Variants in OSBPL10 observed in about 807,000 individuals in gnomAD.
OSBPL10 encodes the protein oxysterol binding protein like 10.
Under a neutral mutation model 81.7 loss-of-function variants are expected in OSBPL10, and 49 were observed. The ratio of observed to expected loss-of-function variants is 0.60; its 90% CI spans 0.48 to 0.76. The LOEUF (loss-of-function observed/expected upper bound fraction) is 0.76, where lower values mean the gene tolerates loss of function less well. OSBPL10 is among the 30% of genes least tolerant of loss of function. The pLI, the probability that OSBPL10 is intolerant of heterozygous loss-of-function variation, is 0.00. For missense variants in OSBPL10, 923 were observed against 987.8 expected, an observed-to-expected ratio of 0.93 and a Z score of 0.88; for synonymous variants, 419 against 383.6, an observed-to-expected ratio of 1.09 and a Z score of -1.08.
intron 4 of OSBPL10, among the ~76,000 whole-genome samples, chr3:31,819,281 C>G (rs913807025): frequency 6.6e-6 from 1 of 152,224 alleles, no homozygotes; most frequent in African/African-American, 2.4e-5. Context: ...TCTCTGAGAC[C>G]TCAGTTTGAC....
At chr3:31,713,209 C>T (rs897320600) in intron 6 of OSBPL10, among the ~76,000 whole-genome samples, 7 of 152,100 alleles carry the variant, frequency 4.6e-5, no homozygotes, top group South Asian at 4.1e-4. Context: ...GTTGCCCCCA[C>T]GACTTCTCTA....
intron 4 of OSBPL10, among the ~76,000 whole-genome samples, chr3:31,827,661 T>C (rs1255481487): frequency 2.0e-5 from 3 of 152,036 alleles, no homozygotes; most frequent in African/African-American, 7.2e-5. Flanking sequence ...TTTTTTTAGA[T>C]TGCTCTGTAT....
chr3:31,924,497 C>T (rs1697014500), intron 1 of OSBPL10, among the ~76,000 whole-genome samples: 1 of 152,122 alleles, frequency 6.6e-6, no homozygotes, highest in East Asian at 1.9e-4. Context: ...CAGGTAAAAT[C>T]CTGGATAACA....
chr3:31,965,881 TAGATAAC>T (rs1698380262), intron 1 of OSBPL10, among the ~76,000 whole-genome samples: 2 of 98,690 alleles, frequency 2.0e-5, no homozygotes, highest in South Asian at 5.3e-4. Context: ...TTATATAAAA[TAGATAAC>T]ATATATTATA....
At chr3:31,712,168 A>T (rs990693592) in intron 6 of OSBPL10, among the ~76,000 whole-genome samples, 29 of 152,226 alleles carry the variant, frequency 1.9e-4, no homozygotes, top group Non-Finnish European at 7.3e-5. Context: ...TGGAGAGCCC[A>T]TCTGGTCCAA....
intron 6 of OSBPL10, chr3:31,713,796 C>T (rs906754381): frequency 2.0e-5 from 3 of 152,684 alleles, no homozygotes; most frequent in Non-Finnish European, 2.9e-5. Context: ...TTGCTCCTTC[C>T]TCAGCTCTGC....
At chr3:31,783,111 T>TTATATATATATATATATATATATATA (rs56846176) in intron 4 of OSBPL10, among the ~76,000 whole-genome samples, 2 of 121,690 alleles carry the variant, frequency 1.6e-5, no homozygotes, top group African/African-American at 3.7e-5. Flanking sequence ...AATATATCTA[T>TTATATATATATATATATATATATATA]TATATATATA....
intron 7 of OSBPL10, among the ~76,000 whole-genome samples, chr3:31,694,239 T>C (rs980594093): frequency 1.3e-5 from 2 of 151,848 alleles, no homozygotes; most frequent in Non-Finnish European, 1.5e-5. Flanking sequence ...GGCGTGATGG[T>C]GAGCACCTGT....
At position 31,889,285 on chromosome 3, in the gene OSBPL10, C is replaced by T. The variant is rs1183345103; in HGVS notation, c.282-9455G>A. On this transcript the variant is annotated intron_variant, in intron 1 of 11. Coordinates refer to ENST00000396556, the MANE Select transcript of OSBPL10 (RefSeq NM_017784.5). The stretch of plus-strand genomic sequence containing the variant: ...CAGGTACAGCTACCATATGATCCAG[C>T]AATCCACTACTGGGATTTATGCAAA... 5.9e-5 allele frequency among the ~76,000 whole-genome samples: 9 copies of T among 152,166 alleles called. No individual in the cohort carries two copies. In the South Asian group the frequency reaches 6.2e-4, roughly 11 times the overall value.
intron 2 of OSBPL10, among the ~76,000 whole-genome samples, chr3:31,997,300 C>G (rs910066259): frequency 4.0e-5 from 6 of 151,450 alleles, no homozygotes; most frequent in Admixed American, 2.6e-4. Context: ...CGCCCTCACT[C>G]TGTCGCCAGG....
intron 8 of OSBPL10, among the ~76,000 whole-genome samples, chr3:31,676,773 G>T (rs1700487801): frequency 6.6e-6 from 1 of 152,358 alleles, no homozygotes; most frequent in East Asian, 1.9e-4. Context: ...GAGGGAAGTG[G>T]GCTGCAAAGA....
chr3:31,742,995 C>A lies in OSBPL10; in HGVS notation c.940+4915G>T, dbSNP rs571110006. Among the ~76,000 whole-genome samples, 3 of 148,754 alleles carry A rather than the reference C, an allele frequency of 2.0e-5. No individual in the cohort carries two copies. The Admixed American group carries it at 2.0e-4, about 10-fold the overall frequency. ...GGAGCCACCAGTAATGGTAAAAGAGCTGCATAATTTAAGTCTTGACCGAAA... is the reference window on the plus strand; with the variant it reads ...GGAGCCACCAGTAATGGTAAAAGAGATGCATAATTTAAGTCTTGACCGAAA... On this transcript the variant is annotated intron_variant, in intron 5 of 11. Transcript: ENST00000396556.
intron 4 of OSBPL10, among the ~76,000 whole-genome samples, chr3:31,779,485 T>A (rs189893727): frequency 1.1e-4 from 16 of 152,316 alleles, no homozygotes; most frequent in South Asian, 2.1e-4. Context: ...TACATAATGA[T>A]AAAATGATCA....
chr3:31,679,468 T>C (rs1417642248), intron 8 of OSBPL10, among the ~76,000 whole-genome samples: 3 of 152,128 alleles, frequency 2.0e-5, no homozygotes, highest in African/African-American at 7.2e-5. Context: ...AATGGATGAA[T>C]GGATAAGTGA....
intron 4 of OSBPL10, among the ~76,000 whole-genome samples, chr3:31,806,476 G>A (rs553481003): frequency 3.3e-5 from 5 of 152,320 alleles, no homozygotes; most frequent in African/African-American, 1.2e-4. Context: ...TTAGCTGAGA[G>A]CCAAACAGTA....
At chr3:31,809,598 G>C (rs1412348832) in intron 4 of OSBPL10, among the ~76,000 whole-genome samples, 1 of 152,172 alleles carries the variant, frequency 6.6e-6, no homozygotes, top group African/African-American at 2.4e-5. Context: ...AGTTCTTGTG[G>C]AATAGTTGAA....
intron 1 of OSBPL10, among the ~76,000 whole-genome samples, chr3:31,887,579 G>T (rs553415792): frequency 6.6e-6 from 1 of 152,260 alleles, no homozygotes; most frequent in Admixed American, 6.5e-5. Flanking sequence ...AACCTAGAGG[G>T]TAGAAAGAAA....
chr3:32,060,010 A>G (rs1488227471), intron 1 of OSBPL10, among the ~76,000 whole-genome samples: 1 of 152,102 alleles, frequency 6.6e-6, no homozygotes, highest in Non-Finnish European at 1.5e-5. Context: ...TTTTGGGAGC[A>G]CTGGTAATGT....
chr3:31,837,477 C>T (rs1298217475), intron 3 of OSBPL10, among the ~76,000 whole-genome samples: 1 of 150,028 alleles, frequency 6.7e-6, no homozygotes, highest in Non-Finnish European at 1.5e-5. Context: ...AATTAGGTTA[C>T]AAAGCAAAAA....
Sources: gnomAD v4.1 joint callset for allele counts (sites outside exome capture counted in the v4.1 genomes callset) on GRCh38, gnomAD v4.1.1 for gene constraint, MANE v1.5 for transcripts, NCBI Gene and HGNC (gene_info 2026-07-23, HGNC 2026-07-21) for gene names.